The following OPA3 variants were observed in gnomAD, a reference collection of about 807,000 sequenced individuals.
OPA3 encodes optic atrophy 3 protein.
Under a neutral mutation model 4.0 loss-of-function variants are expected in OPA3, and 6 were observed. The observed-to-expected ratio is 1.51, with a 90% CI of 0.83 to 2.99. OPA3 has a LOEUF of 2.99. Among genes scored for constraint, OPA3 ranks in the 30% most tolerant of loss-of-function variants. The probability of loss-of-function intolerance (pLI) is 0.00; values close to 1 mark genes in which losing one functional copy is unlikely to be tolerated. For missense variants in OPA3, 235 were observed against 256.2 expected (o/e 0.92, Z 0.56); for synonymous variants, 105 against 117.1 (o/e 0.90, Z 0.67).
At position 45,553,642 on chromosome 19, in the gene OPA3, C is replaced by T. The variant is rs201574732; in HGVS notation, c.412G>A (p.Ala138Thr). Residue 138 changes from alanine (A) to threonine (T), a missense_variant, in exon 2 of 2, where the codon GCG becomes ACG. Coordinates refer to ENST00000263275, the MANE Select transcript of OPA3 (RefSeq NM_025136.4). Reference protein sequence around the residue: ...HLALALEALQAQVQAAPPQGA... With the variant: ...HLALALEALQTQVQAAPPQGA... Reference sequence around the variant, plus strand: ...TGTGGCGGCGCCGCCTGCACCTGCGCCTGCAGCGCTTCCAGCGCCAGCGCC... The same window carrying T: ...TGTGGCGGCGCCGCCTGCACCTGCGTCTGCAGCGCTTCCAGCGCCAGCGCC... The T allele has an allele frequency of 7.7e-4, 1,244 of 1,606,022 alleles. 13 individuals carry two copies. The African/African-American group carries it at 0.015, about 19-fold the overall frequency.
intron 1 of OPA3, among the ~76,000 whole-genome samples, chr19:45,581,590 C>G (rs1267305999): frequency 6.6e-6 from 1 of 152,214 alleles, no homozygotes; most frequent in East Asian, 1.9e-4. Flanking sequence ...CCTGCTGTTT[C>G]GCCAGCATTG....
intron 1 of OPA3, among the ~76,000 whole-genome samples, chr19:45,566,177 T>C (rs1403155439): frequency 2.6e-5 from 4 of 152,144 alleles, no homozygotes; most frequent in African/African-American, 9.7e-5. Context: ...TGAGATGGAG[T>C]CTTGCTCTGT....
downstream of OPA3, among the ~76,000 whole-genome samples, chr19:45,545,695 T>C (rs998593783): frequency 3.3e-5 from 5 of 151,340 alleles, no homozygotes; most frequent in African/African-American, 1.2e-4. Flanking sequence ...ACATACATCA[T>C]ATGTACATGC....
At chr19:45,538,987 G>A (rs4500861) in intron 1 of OPA3, among the ~76,000 whole-genome samples, 23,770 of 152,166 alleles carry the variant, frequency 0.16, 2,119 homozygotes, top group East Asian at 0.39. Context: ...TACAATCATG[G>A]CAGAAGGCAA....
chr19:45,561,220 C>T (rs1029043786), intron 1 of OPA3, among the ~76,000 whole-genome samples: 12 of 152,254 alleles, frequency 7.9e-5, no homozygotes, highest in African/African-American at 2.9e-4. Context: ...GTAATCCCAG[C>T]TACTCGGGAG....
At chr19:45,560,820 G>A (rs1969491138) in intron 1 of OPA3, among the ~76,000 whole-genome samples, 2 of 152,186 alleles carry the variant, frequency 1.3e-5, no homozygotes, top group Admixed American at 6.6e-5. Context: ...TCACAACACA[G>A]TGGCTGACCA....
intron 1 of OPA3, among the ~76,000 whole-genome samples, chr19:45,571,029 G>A (rs561661776): frequency 4.1e-5 from 6 of 146,018 alleles, no homozygotes; most frequent in East Asian, 2.0e-4. Context: ...TTTTATGTTC[G>A]TTTCATCCCT....
At position 45,548,363 on chromosome 19, in the gene OPA3, G is replaced by A; in HGVS notation, c.*5151C>T. ...AGAAACCAACAAGAGGGACAGCAGG[G>A]CCTGCCAGGAGATGGGAGGGGCACA... On this transcript the variant is annotated 3_prime_UTR_variant, in exon 2 of 2. Coordinates refer to ENST00000263275, the MANE Select transcript of OPA3 (RefSeq NM_025136.4). 2 of 985,610 alleles carry A rather than the reference G, an allele frequency of 2.0e-6. No individual in the cohort carries two copies. Among genetic ancestry groups the A allele is most frequent in the Non-Finnish European group, 2.4e-6 (2 of 830,030 alleles). The allele number at this position is 985,610 out of a possible 1,614,324, so 61.1% of individuals were successfully genotyped here.
At chr19:45,579,944 G>T (rs988907117) in intron 1 of OPA3, among the ~76,000 whole-genome samples, 1 of 151,840 alleles carries the variant, frequency 6.6e-6, no homozygotes, top group African/African-American at 2.4e-5. Context: ...AGTCTGGGTA[G>T]GGATTCAAAC....
chr19:45,539,128 AC>A (rs527880903), intron 1 of OPA3, among the ~76,000 whole-genome samples: 4 of 152,042 alleles, frequency 2.6e-5, no homozygotes, highest in Non-Finnish European at 4.4e-5. Flanking sequence ...AAGGGAAACC[AC>A]CCCCATGATC....
intron 1 of OPA3, among the ~76,000 whole-genome samples, chr19:45,562,333 G>A (rs1388771243): frequency 7.5e-5 from 9 of 119,206 alleles, no homozygotes; most frequent in African/African-American, 2.9e-4. Flanking sequence ...GATACAGTGA[G>A]ACTCCATCTC....
At chr19:45,559,845 C>T (rs957947292) in intron 1 of OPA3, among the ~76,000 whole-genome samples, 2 of 151,900 alleles carry the variant, frequency 1.3e-5, no homozygotes, top group Admixed American at 6.6e-5. Flanking sequence ...GGGCTTAACA[C>T]GAGGCCGGCC....
At chr19:45,528,363 G>C (rs1331582286) in exon 2 of OPA3, 2 of 152,480 alleles carry the variant, frequency 1.3e-5, no homozygotes, top group East Asian at 3.9e-4. Flanking sequence ...GAAGAGGGGG[G>C]TTATGTTGGA....
intron 1 of OPA3, among the ~76,000 whole-genome samples, chr19:45,579,081 C>T (rs1969808818): frequency 6.6e-6 from 1 of 152,114 alleles, no homozygotes; most frequent in African/African-American, 2.4e-5. Context: ...GGCAATGCTG[C>T]TCGTTCCCTC....
intron 1 of OPA3, among the ~76,000 whole-genome samples, chr19:45,566,579 TC>T: frequency 6.6e-6 from 1 of 152,116 alleles, no homozygotes; most frequent in East Asian, 1.9e-4. Context: ...CGAGTGATTC[TC>T]CTGCCTCAGC....
chr19:45,575,184 T>TCCA (rs1319564886), intron 1 of OPA3, among the ~76,000 whole-genome samples: 1 of 152,034 alleles, frequency 6.6e-6, no homozygotes, highest in Admixed American at 6.6e-5. Context: ...CACTGCAGCC[T>TCCA]CCACCTCTCT....
At chr19:45,573,153 T>C (rs1208368362) in intron 1 of OPA3, among the ~76,000 whole-genome samples, 13 of 151,984 alleles carry the variant, frequency 8.6e-5, no homozygotes, top group South Asian at 2.1e-4. Flanking sequence ...ACCAGGTACC[T>C]TGCCAGAGAC....
In OPA3 at chr19:45,553,461, GCCA is replaced by G. The variant is rs886054541; in HGVS notation, c.*50_*52del. 55 of 1,608,072 alleles carry G rather than the reference GCCA, an allele frequency of 3.4e-5. No homozygotes were observed. Among genetic ancestry groups the G allele is most frequent in the Non-Finnish European group, 4.6e-5 (54 of 1,179,890 alleles). ...CAGGCAAGGGTGGTGCGGGAAGAAG[GCCA>G]CGTTAGGTACATAGGCCATGTCCAA... On this transcript the variant is annotated 3_prime_UTR_variant, in exon 2 of 2. Coordinates refer to ENST00000263275, the MANE Select transcript of OPA3 (RefSeq NM_025136.4).
chr19:45,545,140 G>A (rs1273095682), downstream of OPA3, among the ~76,000 whole-genome samples: 3 of 146,594 alleles, frequency 2.0e-5, no homozygotes, highest in Non-Finnish European at 4.5e-5. Context: ...ACTCCAGCCT[G>A]GGCGACAGAG....
Sources: allele counts gnomAD v4.1 joint callset (sites outside exome capture counted in the v4.1 genomes callset), GRCh38; gene constraint gnomAD v4.1.1; transcripts MANE v1.5; gene names NCBI Gene and HGNC (gene_info 2026-07-23, HGNC 2026-07-21).